Variants in RBFOX1 observed in about 807,000 individuals in gnomAD.
RBFOX1 encodes RNA binding fox-1 homolog 1.
RBFOX1 carries 8 observed loss-of-function variants against 57.7 expected under a neutral mutation model. The ratio of observed to expected loss-of-function variants is 0.14; its 90% confidence interval spans 0.08 to 0.25. The LOEUF (loss-of-function observed/expected upper bound fraction) is 0.25. Ranked by LOEUF, RBFOX1 falls within the 10% of genes least tolerant of loss-of-function variation. The pLI is 1.00. For synonymous variants in RBFOX1, 326 were observed against 222.4 expected, an observed-to-expected ratio of 1.47 and a Z score of -4.15; for missense variants, 611 against 548.5, an observed-to-expected ratio of 1.11 and a Z score of -1.14.
At chr16:6,782,215 C>T (rs1197627431) in intron 3 of RBFOX1, among the ~76,000 whole-genome samples, 11 of 152,132 alleles carry the variant, frequency 7.2e-5, no homozygotes, top group Non-Finnish European at 2.9e-5. Flanking sequence ...CCATGTTGGC[C>T]AGGGTGATCT....
intron 10 of RBFOX1, among the ~76,000 whole-genome samples, chr16:7,624,072 C>G (rs927921032): frequency 2.6e-5 from 4 of 152,150 alleles, no homozygotes; most frequent in Non-Finnish European, 5.9e-5. Flanking sequence ...AAATTTACCT[C>G]TGGTTGGTAA....
chr16:7,662,167 C>T (rs1009351603), intron 12 of RBFOX1, among the ~76,000 whole-genome samples: 3 of 152,192 alleles, frequency 2.0e-5, no homozygotes, highest in Admixed American at 1.3e-4. Context: ...CCGTCATTTA[C>T]AGAAGATCAG....
At chr16:6,457,107 G>T (rs1198651933) in intron 2 of RBFOX1, among the ~76,000 whole-genome samples, 1 of 152,034 alleles carries the variant, frequency 6.6e-6, no homozygotes, top group African/African-American at 2.4e-5. Context: ...CCTCTAGGTA[G>T]AGTTTAAAGA....
chr16:6,560,577 G>C (rs1316464975), intron 2 of RBFOX1, among the ~76,000 whole-genome samples: 1 of 152,150 alleles, frequency 6.6e-6, no homozygotes, highest in East Asian at 1.9e-4. Context: ...GAGGGAAGAA[G>C]CAAGGTGAGG....
intron 4 of RBFOX1, among the ~76,000 whole-genome samples, chr16:7,348,845 G>T (rs562343380): frequency 2.0e-5 from 3 of 152,226 alleles, no homozygotes; most frequent in African/African-American, 7.2e-5. Flanking sequence ...GGGAGGCTCA[G>T]GCAGGAGAAT....
chr16:6,402,125 C>T (rs2093096824), intron 2 of RBFOX1, among the ~76,000 whole-genome samples: 1 of 151,818 alleles, frequency 6.6e-6, no homozygotes, highest in South Asian at 2.1e-4. Context: ...TCTTGTGAGT[C>T]CTGTCCCAAA....
chr16:6,827,451 G>A (rs751453033), intron 3 of RBFOX1, among the ~76,000 whole-genome samples: 14 of 151,560 alleles, frequency 9.2e-5, no homozygotes, highest in East Asian at 1.9e-4. Flanking sequence ...TGCAGTCTCA[G>A]TATGATGACA....
In RBFOX1 at chr16:6,198,299, G is replaced by A. The variant is rs2097193470; in HGVS notation, c.-126-118696G>A. Among the ~76,000 whole-genome samples the A allele has an allele frequency of 2.6e-5, 4 of 152,274 alleles. No homozygotes were observed. The South Asian group carries it at 8.3e-4, about 32-fold the overall frequency. On this transcript the variant is annotated intron_variant, in intron 1 of 15. Transcript: ENST00000550418. ...AGCTAATTTGAGTAGATAAAAAGGA[G>A]AAAGAATCAGCAAGACTTGATGACA...
intron 4 of RBFOX1, among the ~76,000 whole-genome samples, chr16:7,164,941 G>C (rs190833032): frequency 6.6e-6 from 1 of 152,298 alleles, no homozygotes; most frequent in Admixed American, 6.5e-5. Flanking sequence ...AACTGGAATA[G>C]GATATGGAGT....
intron 1 of RBFOX1, among the ~76,000 whole-genome samples, chr16:6,179,494 G>T (rs568309151): frequency 2.8e-4 from 42 of 152,180 alleles, no homozygotes; most frequent in Non-Finnish European, 3.7e-4. Flanking sequence ...ATCTTCTGGG[G>T]GCTGGGCTGT....
intron 2 of RBFOX1, among the ~76,000 whole-genome samples, chr16:6,565,446 A>G (rs748345469): frequency 2.2e-4 from 33 of 150,566 alleles, no homozygotes; most frequent in Non-Finnish European, 3.5e-4. Context: ...TTTAGTAGAG[A>G]TGGGGTTTCA....
At chr16:6,805,140 C>T (rs1436042607) in intron 3 of RBFOX1, among the ~76,000 whole-genome samples, 2 of 152,092 alleles carry the variant, frequency 1.3e-5, no homozygotes, top group African/African-American at 4.8e-5. Flanking sequence ...TGGAATCAAC[C>T]TAAAGGCCCA....
intron 1 of RBFOX1, among the ~76,000 whole-genome samples, chr16:6,154,236 T>C (rs2096823303): frequency 6.6e-6 from 1 of 152,222 alleles, no homozygotes; most frequent in Admixed American, 6.5e-5. Context: ...CCTTGCAAGG[T>C]TATCAGGTTG....
At chr16:5,422,543 GGC>G (rs2067371177) in intron 1 of RBFOX1, among the ~76,000 whole-genome samples, 1 of 79,386 alleles carries the variant, frequency 1.3e-5, no homozygotes, top group African/African-American at 5.3e-5. Context: ...GCATGAGGGG[GGC>G]AGGGAGGGGG....
At chr16:7,577,244 G>T (rs2093410235) in intron 5 of RBFOX1, among the ~76,000 whole-genome samples, 1 of 152,164 alleles carries the variant, frequency 6.6e-6, no homozygotes. Flanking sequence ...ACCCTTAGGT[G>T]GCTCCTTATT....
chr16:5,717,717 T>C (rs1335160263), intron 3 of RBFOX1, among the ~76,000 whole-genome samples: 1 of 152,226 alleles, frequency 6.6e-6, no homozygotes, highest in Admixed American at 6.5e-5. Context: ...CTCTCTCTAA[T>C]AATTGGGAGG....
At chr16:5,825,509 A>G (rs958728080) in intron 3 of RBFOX1, among the ~76,000 whole-genome samples, 4 of 152,336 alleles carry the variant, frequency 2.6e-5, no homozygotes, top group Admixed American at 2.6e-4. Context: ...GAGCATTCAT[A>G]AACTTGGATG....
At chr16:6,310,031 G>A (rs1023589465) in intron 1 of RBFOX1, among the ~76,000 whole-genome samples, 1 of 152,098 alleles carries the variant, frequency 6.6e-6, no homozygotes. Context: ...GGGAATATAG[G>A]TGCCTGCCAC....
intron 2 of RBFOX1, among the ~76,000 whole-genome samples, chr16:6,614,703 T>C (rs1398924561): frequency 6.6e-6 from 1 of 152,164 alleles, no homozygotes; most frequent in Non-Finnish European, 1.5e-5. Context: ...CCTCGGCTTA[T>C]GGGTCTATCA....
Sources: gnomAD v4.1 joint callset for allele counts (sites outside exome capture counted in the v4.1 genomes callset) on GRCh38, gnomAD v4.1.1 for gene constraint, MANE v1.5 for transcripts, NCBI Gene and HGNC (gene_info 2026-07-23, HGNC 2026-07-21) for gene names.